The following EPS15 variants were observed in gnomAD, a reference collection of about 807,000 sequenced individuals.
EPS15 encodes epidermal growth factor receptor pathway substrate 15, also known as epidermal growth factor receptor substrate 15.
Under a neutral mutation model 113.8 loss-of-function variants are expected in EPS15, and 72 were observed. That is an observed-to-expected ratio of 0.63 (90% CI 0.52 to 0.77). The LOEUF (loss-of-function observed/expected upper bound fraction) is 0.77, where lower values mean the gene tolerates loss of function less well. Ranked by LOEUF, EPS15 falls within the 30% of genes least tolerant of loss-of-function variation. The pLI is 0.00. For synonymous variants in EPS15, 344 were observed against 363.4 expected, an observed-to-expected ratio of 0.95 and a Z score of 0.61; for missense variants, 1,048 against 1,045.8, an observed-to-expected ratio of 1.00 and a Z score of -0.03.
Position 51,363,945 on chromosome 1 carries a change from T to C in EPS15, c.2280A>G (p.Thr760=), listed in dbSNP as rs1339615569. 3.7e-6 allele frequency: 6 copies of C among 1,613,884 alleles called. No individual in the cohort carries two copies. Among genetic ancestry groups the C allele is most frequent in the African/African-American group, 1.3e-5 (1 of 74,938 alleles). The change falls in exon 23 of 25, where the codon ACA becomes ACG. Residue 760 remains threonine, a synonymous_variant. Transcript: ENST00000371733. ...GGGGTTCATCTTCACTTTTGACCGA[T>C]GTTTCCTCAAATACATTTTTTGTAA... ...VVITKNVFEE[T]SVKSEDEPPA...
At chr1:51,409,772 C>A in intron 13 of EPS15, 76 bp from the exon 14 acceptor site, 1 of 990,530 alleles carries the variant, frequency 1.0e-6, no homozygotes, top group East Asian at 2.5e-5. Flanking sequence ...TTAAATCTAC[C>A]TTAAGAAAGA....
chr1:51,488,985 A>C (rs930020530), intron 1 of EPS15, among the ~76,000 whole-genome samples: 1 of 152,112 alleles, frequency 6.6e-6, no homozygotes, highest in African/African-American at 2.4e-5. Flanking sequence ...TTGCGACGGA[A>C]AACATGGGAA....
chr1:51,443,998 T>C (rs896444681), intron 11 of EPS15, among the ~76,000 whole-genome samples: 10 of 152,208 alleles, frequency 6.6e-5, no homozygotes, highest in Admixed American at 6.5e-4. Flanking sequence ...AAGAACCATG[T>C]GACAAAATTA....
intron 7 of EPS15, 164 bp downstream of exon 7, chr1:51,463,509 G>T: frequency 2.1e-6 from 1 of 480,936 alleles, no homozygotes; most frequent in Non-Finnish European, 3.6e-6. Context: ...GAAATATGCT[G>T]GCAATAATTT....
chr1:51,517,778 A>G (rs1243944508), intron 1 of EPS15, among the ~76,000 whole-genome samples: 1 of 152,216 alleles, frequency 6.6e-6, no homozygotes, highest in Non-Finnish European at 1.5e-5. Context: ...CATCAAAAAA[A>G]CTGGGAAATA....
chr1:51,391,410 C>A (rs967671353), intron 21 of EPS15, among the ~76,000 whole-genome samples: 3 of 151,756 alleles, frequency 2.0e-5, no homozygotes, highest in Non-Finnish European at 2.9e-5. Context: ...CACATGTATA[C>A]ATATGTAACT....
intron 13 of EPS15, among the ~76,000 whole-genome samples, chr1:51,417,482 T>C (rs565886740): frequency 6.6e-6 from 1 of 152,246 alleles, no homozygotes; most frequent in South Asian, 2.1e-4. Flanking sequence ...TAATGAAAAA[T>C]ATGATCCAAG....
chr1:51,470,261 A>G (rs1185098521), intron 4 of EPS15, among the ~76,000 whole-genome samples: 1 of 152,168 alleles, frequency 6.6e-6, no homozygotes, highest in East Asian at 1.9e-4. Flanking sequence ...CAAAATAAAA[A>G]CCATGCTGCA....
intron 21 of EPS15, among the ~76,000 whole-genome samples, chr1:51,391,043 A>G (rs2148400887): frequency 6.6e-6 from 1 of 152,358 alleles, no homozygotes; most frequent in Middle Eastern, 3.4e-3. Context: ...TATTCACAAT[A>G]GCAAAGACTT....
intron 12 of EPS15, among the ~76,000 whole-genome samples, chr1:51,430,432 G>A (rs1014086492): frequency 1.2e-4 from 18 of 151,936 alleles, no homozygotes; most frequent in African/African-American, 3.6e-4. Context: ...AGCCGGGTGC[G>A]GTGGTGCATG....
chr1:51,428,113 C>T (rs1017756995), intron 12 of EPS15, among the ~76,000 whole-genome samples: 5 of 151,662 alleles, frequency 3.3e-5, no homozygotes, highest in Non-Finnish European at 5.9e-5. Flanking sequence ...AAAAAAAAAA[C>T]CTGTCAACTG....
intron 20 of EPS15, chr1:51,397,053 ATT>A (rs1230665047): frequency 2.0e-5 from 3 of 151,740 alleles, no homozygotes; most frequent in African/African-American, 7.3e-5. Context: ...TAATATTTTA[ATT>A]TTTTTGTAGA....
chr1:51,474,186 A>G (rs1167229300), intron 2 of EPS15, among the ~76,000 whole-genome samples: 1 of 152,248 alleles, frequency 6.6e-6, no homozygotes, highest in Non-Finnish European at 1.5e-5. Flanking sequence ...TTTCTGAGGT[A>G]TTCTGCTGCT....
At chr1:51,393,925 T>C (rs925682821) in intron 21 of EPS15, among the ~76,000 whole-genome samples, 3 of 152,206 alleles carry the variant, frequency 2.0e-5, no homozygotes, top group African/African-American at 7.2e-5. Flanking sequence ...ATAAAAAATT[T>C]TATACCATAA....
chr1:51,494,347 A>T (rs559023311), intron 1 of EPS15, among the ~76,000 whole-genome samples: 1 of 152,236 alleles, frequency 6.6e-6, no homozygotes, highest in East Asian at 1.9e-4. Flanking sequence ...GGCCCAATAG[A>T]CTTTGATCCC....
rs377211027 is a variant in EPS15 at position 51,426,837 on chromosome 1, C to CTCTCTCTATA, written c.1041-4980_1041-4979insTATAGAGAGA. Among the ~76,000 whole-genome samples the CTCTCTCTATA allele has an allele frequency of 4.7e-3, 670 of 143,612 alleles. 5 individuals are homozygous for CTCTCTCTATA. The highest frequency in any genetic ancestry group is 8.0e-3 in the Non-Finnish European group (526 of 65,428). 94.2% of individuals were successfully genotyped at this position (143,612 alleles called of 152,430 possible). On this transcript the variant is annotated intron_variant, in intron 12 of 24. Transcript: ENST00000371733. Reference sequence around the variant, plus strand: ...AATCTGTCTCTCTCTCTCTCTCTCTCTATATATATATATATACACACACAC... The same window carrying CTCTCTCTATA: ...AATCTGTCTCTCTCTCTCTCTCTCTCTCTCTCTATATATATATATATATATACACACACAC...
rs145273589 is a variant in EPS15 at position 51,412,996 on chromosome 1, G to A, written c.1114-3300C>T. 6.9e-3 allele frequency among the ~76,000 whole-genome samples: 1,055 copies of A among 152,202 alleles called. 7 individuals carry two copies. Among genetic ancestry groups the A allele is most frequent in the African/African-American group, 0.024 (1,012 of 41,514 alleles). ...AATATGTGTTGTTCCCTCTTATCTA[G>A]AGGATTAAGTAAAACTTGCTGCAAG... On this transcript the variant is annotated intron_variant, in intron 13 of 24. Coordinates refer to ENST00000371733, the MANE Select transcript of EPS15 (RefSeq NM_001981.3).
At chr1:51,381,302 A>C (rs941597557) in intron 21 of EPS15, among the ~76,000 whole-genome samples, 2 of 152,218 alleles carry the variant, frequency 1.3e-5, no homozygotes, top group African/African-American at 4.8e-5. Flanking sequence ...TCATAAAAAT[A>C]TCTCTTCCAG....
At chr1:51,372,938 A>T in intron 21 of EPS15, 2 of 621,214 alleles carry the variant, frequency 3.2e-6, no homozygotes, top group Non-Finnish European at 5.0e-6. Flanking sequence ...CCAGATCATT[A>T]GCTGCAGGAA....
Sources: allele counts gnomAD v4.1 joint callset (sites outside exome capture counted in the v4.1 genomes callset), GRCh38; gene constraint gnomAD v4.1.1; transcripts MANE v1.5; gene names NCBI Gene and HGNC (gene_info 2026-07-23, HGNC 2026-07-21).